Variants in TGM6 observed in about 807,000 individuals in gnomAD.
The protein encoded by TGM6 is transglutaminase 6.
In TGM6, 74 loss-of-function variants were observed where a neutral mutation model predicts 77.5. The ratio of observed to expected loss-of-function variants is 0.96; its 90% CI spans 0.79 to 1.16. The LOEUF (loss-of-function observed/expected upper bound fraction) is 1.16. Among genes scored for constraint, TGM6 ranks in the 50% most tolerant of loss-of-function variants. TGM6 has a pLI of 0.00. For missense variants in TGM6, 968 were observed against 940.2 expected (o/e 1.03, Z -0.39); for synonymous variants, 383 against 378.9 (o/e 1.01, Z -0.12).
rs767204006 is a variant in TGM6, at chr20:2,400,345, A to G, written c.890A>G (p.Asn297Ser). 6 of 1,614,208 alleles carry G rather than the reference A, an allele frequency of 3.7e-6. No homozygotes were observed. The highest frequency in any genetic ancestry group is 1.1e-5 in the South Asian group (1 of 91,086). Residue 297 changes from asparagine (N) to serine (S), a missense_variant, in exon 7 of 13, where the codon AAC (asparagine) becomes AGC (serine). Transcript: ENST00000202625. ...GGGATAGCCACACGGGTCGTGTCCA[A>G]CTTCAACTCAGCCCACGACACAGAC... ...CLGIATRVVSNFNSAHDTDQN... is the reference protein window; with the variant it reads ...CLGIATRVVSSFNSAHDTDQN...
intron 10 of TGM6, among the ~76,000 whole-genome samples, chr20:2,422,949 C>CAA (rs3050737): frequency 0.24 from 27,666 of 113,008 alleles, 3,264 homozygotes; most frequent in South Asian, 0.31. Context: ...GACTCTTTCT[C>CAA]AAAAAAAAAA....
intron 1 of TGM6, among the ~76,000 whole-genome samples, chr20:2,385,913 CTCAG>C (rs2122325664): frequency 6.6e-6 from 1 of 152,230 alleles, no homozygotes; most frequent in Middle Eastern, 3.2e-3. Flanking sequence ...TCATGGAGCT[CTCAG>C]TCCAGTGAGG....
chr20:2,417,638 G>A (rs1367622295), intron 10 of TGM6, 65 bp downstream of exon 10: 4 of 1,509,602 alleles, frequency 2.6e-6, no homozygotes, highest in African/African-American at 1.4e-5. Flanking sequence ...GGTTGTGGAG[G>A]TCAGAGGGAT....
At chr20:2,381,487 G>C (rs752335370) in intron 1 of TGM6, among the ~76,000 whole-genome samples, 1 of 152,146 alleles carries the variant, frequency 6.6e-6, no homozygotes, top group Non-Finnish European at 1.5e-5. Context: ...ATTTGCCCTT[G>C]GTACCTCTGT....
intron 1 of TGM6, among the ~76,000 whole-genome samples, chr20:2,393,711 G>T (rs2084643224): frequency 6.6e-6 from 1 of 151,876 alleles, no homozygotes; most frequent in African/African-American, 2.4e-5. Flanking sequence ...TTATAGTAGA[G>T]ATGAGGTTTC....
intron 5 of TGM6, 99 bp downstream of exon 5, chr20:2,398,145 A>C: frequency 6.3e-7 from 1 of 1,598,396 alleles, no homozygotes. Context: ...CCCTTGTTTT[A>C]ATTCGCTGTT....
In TGM6 at chr20:2,403,788, G is replaced by A. The variant is rs150243412; in HGVS notation, c.1301G>A (p.Arg434His). Residue 434 changes from arginine (R) to histidine (H), a missense_variant, in exon 9 of 13, where the codon CGC becomes CAC. By Grantham distance (29) the Arg-to-His change is conservative (BLOSUM62 0). Transcript: ENST00000202625. ...ISTKAVGSDSRVDITDLYKYP... is the reference protein window; with the variant it reads ...ISTKAVGSDSHVDITDLYKYP... Reference sequence around the variant, plus strand: ...ACCAAGGCGGTGGGCAGTGACTCCCGCGTGGACATCACTGACCTCTACAAG... The same window carrying A: ...ACCAAGGCGGTGGGCAGTGACTCCCACGTGGACATCACTGACCTCTACAAG... The A allele has an allele frequency of 1.3e-4, 209 of 1,614,162 alleles. No homozygotes were observed. The African/African-American group carries it at 2.1e-3, about 16-fold the overall frequency.
chr20:2,407,048 AGAG>A (rs1346613849), intron 9 of TGM6, among the ~76,000 whole-genome samples: 2 of 152,154 alleles, frequency 1.3e-5, no homozygotes, highest in Admixed American at 6.5e-5. Context: ...TTTATTTTAC[AGAG>A]GAGAAGACAG....
Position 2,414,279 on chromosome 20 carries a change from C to T in TGM6, c.1337-2953C>T, listed in dbSNP as rs115559332. On this transcript the variant is annotated intron_variant, in intron 9 of 12. Coordinates refer to ENST00000202625, the MANE Select transcript of TGM6 (RefSeq NM_198994.3). The stretch of plus-strand genomic sequence containing the variant: ...ATGTGAATGAACATTTCCCCAAGGA[C>T]CATACACAAATGGCCAATAAGCACA... 4.9e-3 allele frequency among the ~76,000 whole-genome samples: 753 copies of T among 152,228 alleles called. 7 individuals are homozygous for T. The highest frequency in any genetic ancestry group is 0.016 in the African/African-American group (666 of 41,526).
Position 2,417,264 on chromosome 20 carries a change from G to A in TGM6, c.1369G>A (p.Ala457Thr). Reference protein sequence around the residue: ...SRKERQVYSKAVNRLFGVEAS... With the variant: ...SRKERQVYSKTVNRLFGVEAS... ...GAAAGAGAGGCAGGTGTACAGCAAG[G>A]CGGTGAACAGGCTGTTCGGCGTGGA... is the stretch of plus-strand genomic sequence containing the variant. The change falls in exon 10 of 13, where the codon GCG becomes ACG. Residue 457 changes from alanine (A) to threonine (T), a missense_variant. Ala to Thr is a moderately conservative substitution (Grantham distance 58). Transcript: ENST00000202625. 2 of 1,608,148 alleles carry A rather than the reference G, an allele frequency of 1.2e-6. No homozygotes were observed. Among genetic ancestry groups the A allele is most frequent in the East Asian group, 2.2e-5 (1 of 44,592 alleles).
At chr20:2,426,893 A>G (rs6048881) in intron 10 of TGM6, among the ~76,000 whole-genome samples, 33,932 of 152,016 alleles carry the variant, frequency 0.22, 3,971 homozygotes, top group South Asian at 0.3. Context: ...ATACATTGTT[A>G]ATTCAATTTA....
intron 9 of TGM6, among the ~76,000 whole-genome samples, chr20:2,413,168 T>A (rs917633365): frequency 1.3e-5 from 2 of 152,224 alleles, no homozygotes; most frequent in Non-Finnish European, 2.9e-5. Flanking sequence ...CCCAGCACTT[T>A]AGGAGGCCAA....
rs111641571 is a variant in TGM6 at position 2,395,464 on chromosome 20, G to GT, written c.424+33dup. On this transcript the variant is annotated intron_variant, in intron 3 of 12. Coordinates refer to ENST00000202625, the MANE Select transcript of TGM6 (RefSeq NM_198994.3). Reference sequence around the variant, plus strand: ...AGGAGTGGCCAAGTCCAATGCAGAGGTTTTTCCAAAAGACATCCTTAGAGG... The same window carrying GT: ...AGGAGTGGCCAAGTCCAATGCAGAGGTTTTTTCCAAAAGACATCCTTAGAGG... 1.4e-3 allele frequency: 2,195 copies of GT among 1,614,210 alleles called. 26 individuals carry two copies. The African/African-American group carries it at 0.025, about 19-fold the overall frequency.
At chr20:2,395,874 A>G (rs1183299208) in intron 3 of TGM6, among the ~76,000 whole-genome samples, 1 of 152,204 alleles carries the variant, frequency 6.6e-6, no homozygotes, top group Non-Finnish European at 1.5e-5. Flanking sequence ...CAGGATCAGT[A>G]TTATTATTAA....
intron 1 of TGM6, among the ~76,000 whole-genome samples, chr20:2,390,566 G>C (rs187998178): frequency 6.6e-6 from 1 of 152,152 alleles, no homozygotes; most frequent in Non-Finnish European, 1.5e-5. Context: ...TGTATCAGGC[G>C]CTGAAGATTC....
chr20:2,425,491 A>G (rs933090103), intron 10 of TGM6, among the ~76,000 whole-genome samples: 2 of 152,206 alleles, frequency 1.3e-5, no homozygotes, highest in Non-Finnish European at 2.9e-5. Flanking sequence ...CAATAAAATG[A>G]AGCACAGTAA....
intron 9 of TGM6, among the ~76,000 whole-genome samples, chr20:2,414,845 T>C (rs1026235478): frequency 6.8e-6 from 1 of 146,878 alleles, no homozygotes; most frequent in Non-Finnish European, 1.5e-5. Flanking sequence ...ATGTCCAGGA[T>C]AGGCAAATTA....
At chr20:2,432,326 G>A (rs1386104370) in intron 12 of TGM6, among the ~76,000 whole-genome samples, 164 bp from the exon 13 acceptor site, 2 of 152,130 alleles carry the variant, frequency 1.3e-5, no homozygotes, top group Non-Finnish European at 2.9e-5. Flanking sequence ...GGGATTACAG[G>A]AGTGAGCCAC....
At chr20:2,408,312 A>G (rs1418157464) in intron 9 of TGM6, among the ~76,000 whole-genome samples, 2 of 152,146 alleles carry the variant, frequency 1.3e-5, no homozygotes, top group Admixed American at 1.3e-4. Flanking sequence ...GCTCTTTTAT[A>G]CCTAAAGGAC....
Sources: gnomAD v4.1 joint callset for allele counts (sites outside exome capture counted in the v4.1 genomes callset) on GRCh38, gnomAD v4.1.1 for gene constraint, MANE v1.5 for transcripts, NCBI Gene and HGNC (gene_info 2026-07-23, HGNC 2026-07-21) for gene names.